Variants in TAFA2 observed in about 807,000 individuals in gnomAD.
TAFA2 encodes the protein chemokine-like protein TAFA-2.
A neutral mutation model predicts 18.8 loss-of-function variants in TAFA2; 7 were observed. The observed-to-expected ratio is 0.37, with a 90% CI of 0.21 to 0.70. The LOEUF (loss-of-function observed/expected upper bound fraction) is 0.70, where lower values mean the gene tolerates loss of function less well. Ranked by LOEUF, TAFA2 falls within the 30% of genes least tolerant of loss-of-function variation. The pLI is 0.53. For synonymous variants in TAFA2, 60 were observed against 54.2 expected, an observed-to-expected ratio of 1.11 and a Z score of -0.47; for missense variants, 122 against 158.1, an observed-to-expected ratio of 0.77 and a Z score of 1.23.
At chr12:61,805,270 A>G (rs886999657) in intron 2 of TAFA2, among the ~76,000 whole-genome samples, 1 of 152,056 alleles carries the variant, frequency 6.6e-6, no homozygotes, top group Non-Finnish European at 1.5e-5. Context: ...TTTTCAAAAT[A>G]TATTAGCAGT....
At chr12:62,223,009 C>CA in intron 1 of TAFA2, among the ~76,000 whole-genome samples, 1 of 151,750 alleles carries the variant, frequency 6.6e-6, no homozygotes, top group Non-Finnish European at 1.5e-5. Context: ...TATTAAAGGA[C>CA]AAAAAAGAAG....
intron 1 of TAFA2, among the ~76,000 whole-genome samples, chr12:61,875,812 G>C: frequency 6.6e-6 from 1 of 151,584 alleles, no homozygotes; most frequent in Non-Finnish European, 1.5e-5. Flanking sequence ...GTCACACTAT[G>C]AATTGAAACA....
At chr12:62,056,486 G>A (rs1218108310) in intron 1 of TAFA2, among the ~76,000 whole-genome samples, 1 of 152,206 alleles carries the variant, frequency 6.6e-6, no homozygotes, top group Non-Finnish European at 1.5e-5. Flanking sequence ...GTCAGTGATA[G>A]TGTATTGGTG....
intron 1 of TAFA2, among the ~76,000 whole-genome samples, chr12:62,090,489 A>T (rs1394135146): frequency 6.6e-6 from 1 of 152,094 alleles, no homozygotes; most frequent in Non-Finnish European, 1.5e-5. Flanking sequence ...AGTTGGCATC[A>T]CTTTGAGTAG....
intron 1 of TAFA2, among the ~76,000 whole-genome samples, chr12:62,064,507 G>A (rs1565732812): frequency 6.6e-6 from 1 of 151,998 alleles, no homozygotes; most frequent in Non-Finnish European, 1.5e-5. Flanking sequence ...CAAGAACAAT[G>A]AAAAGAGGAT....
chr12:62,196,719 A>T (rs939390605), upstream of TAFA2, among the ~76,000 whole-genome samples: 2 of 152,196 alleles, frequency 1.3e-5, no homozygotes, highest in African/African-American at 4.8e-5. Flanking sequence ...GCCATAACAG[A>T]TACAAGAATA....
At chr12:61,948,941 C>A (rs1038395695) in intron 1 of TAFA2, among the ~76,000 whole-genome samples, 4 of 152,136 alleles carry the variant, frequency 2.6e-5, no homozygotes, top group Non-Finnish European at 5.9e-5. Flanking sequence ...TCTAACTCTC[C>A]CATTTTAGTA....
rs34172882 is a variant in TAFA2 at position 61,848,719 on chromosome 12, C to CAA, written c.106+18599_106+18600dup. Among the ~76,000 whole-genome samples, 206 of 126,794 alleles carry CAA rather than the reference C, an allele frequency of 1.6e-3. 2 individuals are homozygous for CAA. Among genetic ancestry groups the CAA allele is most frequent in the South Asian group, 0.012 (52 of 4,192 alleles). 83.2% of individuals were successfully genotyped at this position (126,794 alleles called of 152,430 possible). A position where few individuals can be genotyped will look rare whatever the true frequency, so the allele number is the denominator to read the frequency against. Reference sequence around the variant, plus strand: ...AAAAGGACAAATAAAACATGGCCAGCAAAAAAAAAAAAATAAGTTTCAATA... The same window carrying CAA: ...AAAAGGACAAATAAAACATGGCCAGCAAAAAAAAAAAAAAATAAGTTTCAATA... On this transcript the variant is annotated intron_variant, in intron 2 of 4. Transcript: ENST00000416284.
intron 1 of TAFA2, chr12:61,879,964 G>T: frequency 1.2e-6 from 1 of 867,026 alleles, no homozygotes. Flanking sequence ...AGTCTCACCT[G>T]GAAGGGCTGA....
At chr12:61,784,893 T>C (rs1026355184) in intron 2 of TAFA2, among the ~76,000 whole-genome samples, 2 of 151,608 alleles carry the variant, frequency 1.3e-5, no homozygotes, top group African/African-American at 2.4e-5. Context: ...ATACATACAA[T>C]GTACTGTGGT....
chr12:62,051,107 T>A (rs1002590918), intron 1 of TAFA2, among the ~76,000 whole-genome samples: 2 of 152,134 alleles, frequency 1.3e-5, no homozygotes, highest in South Asian at 4.1e-4. Context: ...AGGAAAAAAA[T>A]TCTTTTTTGC....
chr12:62,217,285 T>A (rs916458181), intron 1 of TAFA2, among the ~76,000 whole-genome samples: 4 of 152,204 alleles, frequency 2.6e-5, no homozygotes, highest in Non-Finnish European at 5.9e-5. Context: ...TAGGAAAAGA[T>A]AATATGTGGA....
chr12:61,842,795 T>C (rs1383531148), intron 2 of TAFA2, among the ~76,000 whole-genome samples: 1 of 152,126 alleles, frequency 6.6e-6, no homozygotes, highest in Admixed American at 6.6e-5. Context: ...GAAGTAGACA[T>C]CTTTCTCTTT....
At chr12:62,251,676 C>T (rs1442088561) in intron 1 of TAFA2, among the ~76,000 whole-genome samples, 1 of 152,190 alleles carries the variant, frequency 6.6e-6, no homozygotes, top group African/African-American at 2.4e-5. Flanking sequence ...AAGAACTTAA[C>T]CAACCCACTG....
chr12:61,987,785 G>A (rs149882793), intron 1 of TAFA2, among the ~76,000 whole-genome samples: 7 of 152,288 alleles, frequency 4.6e-5, no homozygotes, highest in East Asian at 1.9e-4. Context: ...GGAAGTGAAC[G>A]GATGTTACGG....
intron 4 of TAFA2, among the ~76,000 whole-genome samples, chr12:61,746,031 G>A (rs559667541): frequency 9.2e-5 from 14 of 151,794 alleles, no homozygotes; most frequent in Non-Finnish European, 1.5e-5. Flanking sequence ...TCCTGATGAT[G>A]GCTACCTTGG....
intron 1 of TAFA2, among the ~76,000 whole-genome samples, chr12:62,181,002 T>C (rs2062548048): frequency 6.6e-6 from 1 of 152,256 alleles, no homozygotes; most frequent in Non-Finnish European, 1.5e-5. Context: ...ATCACAAGTG[T>C]ATGTAGTCTC....
Position 62,234,658 on chromosome 12 carries a change from G to T in TAFA2, c.-130+24105C>A, listed in dbSNP as rs563804748. ...CACTGGTGGCTAACAAGGTAGGAGC[G>T]TTTGGTATAAGCTTTTCCGCAGTTC... is the stretch of plus-strand genomic sequence containing the variant. On this transcript the variant is annotated intron_variant, in intron 1 of 5. Transcript: ENST00000551619. 716 of 898,996 alleles carry T rather than the reference G, an allele frequency of 8.0e-4. 12 individuals are homozygous for T. The South Asian group carries it at 8.3e-3, about 10-fold the overall frequency. 55.7% of individuals were successfully genotyped at this position (898,996 alleles called of 1,614,324 possible).
At chr12:61,970,529 T>TTTTTC (rs3031099) in intron 1 of TAFA2, among the ~76,000 whole-genome samples, 2 of 151,218 alleles carry the variant, frequency 1.3e-5, no homozygotes, top group African/African-American at 2.4e-5. Flanking sequence ...CCAAAAGAAT[T>TTTTTC]TTCAGAAGTT....
Sources: allele counts gnomAD v4.1 joint callset (sites outside exome capture counted in the v4.1 genomes callset), GRCh38; gene constraint gnomAD v4.1.1; transcripts MANE v1.5; gene names NCBI Gene and HGNC (gene_info 2026-07-23, HGNC 2026-07-21).